The following MICU1 variants were observed in gnomAD, a reference collection of about 807,000 sequenced individuals.
The protein encoded by MICU1 is calcium uptake protein 1, mitochondrial.
Under a neutral mutation model 56.8 loss-of-function variants are expected in MICU1, and 45 were observed. The ratio of observed to expected loss-of-function variants is 0.79; its 90% confidence interval spans 0.62 to 1.02. The LOEUF is 1.02. Among genes scored for constraint, MICU1 ranks in the 50% least tolerant of loss-of-function variants. The pLI is 0.00. For synonymous variants in MICU1, 186 were observed against 195.1 expected (o/e 0.95, Z 0.39); for missense variants, 504 against 587.1 (o/e 0.86, Z 1.46).
intron 1 of MICU1, among the ~76,000 whole-genome samples, chr10:72,580,231 A>G (rs1276903847): frequency 1.3e-5 from 2 of 152,128 alleles, no homozygotes; most frequent in African/African-American, 4.8e-5. Context: ...ATTGTTTTCA[A>G]TGTAAAATAA....
At chr10:72,555,612 A>AT (rs1031755526) in intron 3 of MICU1, among the ~76,000 whole-genome samples, 8 of 152,340 alleles carry the variant, frequency 5.3e-5, no homozygotes, top group Admixed American at 2.0e-4. Flanking sequence ...TGCTCTTTGA[A>AT]TGACACCACA....
At chr10:72,511,784 T>C (rs1237891713) in intron 5 of MICU1, among the ~76,000 whole-genome samples, 3 of 152,220 alleles carry the variant, frequency 2.0e-5, no homozygotes, top group African/African-American at 4.8e-5. Flanking sequence ...AATGCTGTGA[T>C]AATACACTTT....
intron 10 of MICU1, among the ~76,000 whole-genome samples, chr10:72,390,002 C>T (rs1863017560): frequency 6.6e-6 from 1 of 152,138 alleles, no homozygotes. Flanking sequence ...CGAAGAGACG[C>T]CTGATAGTGG....
At chr10:72,547,189 G>A (rs143554367) in intron 4 of MICU1, among the ~76,000 whole-genome samples, 1,594 of 151,886 alleles carry the variant, frequency 0.01, 39 homozygotes, top group African/African-American at 0.037. Flanking sequence ...CACCACGCCC[G>A]GCCTCTGCTA....
chr10:72,523,157 T>C (rs1448439474), intron 5 of MICU1, among the ~76,000 whole-genome samples: 1 of 152,164 alleles, frequency 6.6e-6, no homozygotes, highest in African/African-American at 2.4e-5. Flanking sequence ...AGTCCAGCCA[T>C]TGTAAATCTT....
At chr10:72,533,280 G>GTTTGCAC in intron 5 of MICU1, 2 of 534,146 alleles carry the variant, frequency 3.7e-6, no homozygotes, top group Non-Finnish European at 2.8e-6. Flanking sequence ...TTAAAAATAA[G>GTTTGCAC]TATAGTGCAA....
At chr10:72,375,685 C>A in intron 11 of MICU1, 98 bp downstream of exon 11, 2 of 1,115,138 alleles carry the variant, frequency 1.8e-6, no homozygotes, top group Non-Finnish European at 1.3e-6. Flanking sequence ...AGAGGATGGG[C>A]TGGTACACAG....
At chr10:72,615,663 T>C (rs906293113) in intron 1 of MICU1, among the ~76,000 whole-genome samples, 20 of 152,124 alleles carry the variant, frequency 1.3e-4, no homozygotes, top group African/African-American at 4.8e-4. Context: ...TCAGTTTGAG[T>C]TTTTTTATAC....
Position 72,381,264 on chromosome 10 carries a change from C to T in MICU1, c.1181-5392G>A, listed in dbSNP as rs573849530. On this transcript the variant is annotated intron_variant, in intron 10 of 11. Transcript: ENST00000361114. ...CTTACCGGACTGCAGTGGAGAAAAT[C>T]AAAAGCTGACTGGTGATGGCCAAGG... Among the ~76,000 whole-genome samples, 6 of 152,240 alleles carry T rather than the reference C, an allele frequency of 3.9e-5. No individual in the cohort carries two copies. The East Asian group carries it at 1.2e-3, about 29-fold the overall frequency.
At chr10:72,457,188 G>A (rs1865497860) in intron 8 of MICU1, among the ~76,000 whole-genome samples, 1 of 151,132 alleles carries the variant, frequency 6.6e-6, no homozygotes, top group Non-Finnish European at 1.5e-5. Context: ...TTTAGAAGGA[G>A]TGGGTTAGAA....
intron 8 of MICU1, among the ~76,000 whole-genome samples, chr10:72,439,430 C>T (rs1864846606): frequency 6.6e-6 from 1 of 152,110 alleles, no homozygotes. Context: ...TATGACAAAC[C>T]CATAGCCAAT....
At chr10:72,570,655 TTTGAAA>T (rs1162288892) in intron 1 of MICU1, among the ~76,000 whole-genome samples, 1 of 152,180 alleles carries the variant, frequency 6.6e-6, no homozygotes, top group Non-Finnish European at 1.5e-5. Context: ...TAGGTCCAAT[TTTGAAA>T]TTGGACCTAA....
chr10:72,534,408 A>G (rs964608410), intron 4 of MICU1, among the ~76,000 whole-genome samples: 1 of 152,196 alleles, frequency 6.6e-6, no homozygotes, highest in Admixed American at 6.5e-5. Context: ...CCCAGCATTT[A>G]GAACAGTGCT....
intron 1 of MICU1, among the ~76,000 whole-genome samples, chr10:72,608,636 C>G (rs1841756378): frequency 6.6e-6 from 1 of 152,142 alleles, no homozygotes; most frequent in Non-Finnish European, 1.5e-5. Flanking sequence ...GACCTTTGTG[C>G]ATTGTTGGTG....
chr10:72,623,978 T>C (rs2132598175), intron 1 of MICU1, among the ~76,000 whole-genome samples: 1 of 152,280 alleles, frequency 6.6e-6, no homozygotes, highest in East Asian at 1.9e-4. Flanking sequence ...ATGGTTAATG[T>C]TCAGCAAGTG....
chr10:72,483,235 A>G (rs1866361294), intron 6 of MICU1: 1 of 152,360 alleles, frequency 6.6e-6, no homozygotes, highest in South Asian at 2.1e-4. Context: ...CCATGAAGAC[A>G]AGGAAACTAC....
At chr10:72,461,973 A>G (rs1407032385) in intron 8 of MICU1, among the ~76,000 whole-genome samples, 2 of 152,054 alleles carry the variant, frequency 1.3e-5, no homozygotes, top group East Asian at 3.9e-4. Context: ...CAACAACAAA[A>G]AGACTCTGGA....
intron 6 of MICU1, among the ~76,000 whole-genome samples, chr10:72,482,941 C>T (rs1412271747): frequency 6.6e-6 from 1 of 151,774 alleles, no homozygotes; most frequent in African/African-American, 2.4e-5. Flanking sequence ...CTGCAACCTC[C>T]ACCTCCCGTG....
rs558601352 is a variant in MICU1, at chr10:72,536,513, A to AT, written c.494-2725dup. On this transcript the variant is annotated intron_variant, in intron 4 of 11. Coordinates refer to ENST00000361114, the MANE Select transcript of MICU1 (RefSeq NM_001195518.2). ...AGGTGCGTGCCACCATGCCCGGCTA[A>AT]TTTTTTTTTTTGTATTTTTAGTAGA... Among the ~76,000 whole-genome samples the AT allele has an allele frequency of 3.5e-3, 504 of 146,008 alleles. 3 individuals carry two copies. Among genetic ancestry groups the AT allele is most frequent in the Middle Eastern group, 7.0e-3 (2 of 286 alleles).
Sources: gnomAD v4.1 joint callset for allele counts (sites outside exome capture counted in the v4.1 genomes callset) on GRCh38, gnomAD v4.1.1 for gene constraint, MANE v1.5 for transcripts, NCBI Gene and HGNC (gene_info 2026-07-23, HGNC 2026-07-21) for gene names.